Variants in NOPCHAP1 observed in about 807,000 individuals in gnomAD.
The protein encoded by NOPCHAP1 is DNA damage-sensitive RNA 1.
In NOPCHAP1, 13 loss-of-function variants were observed where a neutral mutation model predicts 14.0. That is an observed-to-expected ratio of 0.93 (90% confidence interval 0.60 to 1.47). The LOEUF (loss-of-function observed/expected upper bound fraction) is 1.47, where lower values mean the gene tolerates loss of function less well. Among genes scored for constraint, NOPCHAP1 ranks in the 40% most tolerant of loss-of-function variants. The pLI, the probability that NOPCHAP1 is intolerant of heterozygous loss-of-function variation, is 0.00. For missense variants in NOPCHAP1, 230 were observed against 226.9 expected (o/e 1.01, Z -0.09); for synonymous variants, 78 against 78.4 (o/e 1.00, Z 0.03).
chr12:105,004,450 CA>C lies in NOPCHAP1; in HGVS notation c.*9755del, dbSNP rs999310598. The stretch of plus-strand genomic sequence containing the variant: ...GCGTGGTGGCACGTGCCTGTAGTTC[CA>C]GCTACTTGGGAGGCTGAGACAGAAG... On this transcript the variant is annotated 3_prime_UTR_variant, in exon 4 of 4. Transcript: ENST00000552951. 2 of 152,076 alleles carry C rather than the reference CA, an allele frequency of 1.3e-5. No individual in the cohort carries two copies. The highest frequency in any genetic ancestry group is 2.4e-5 in the African/African-American group (1 of 41,388). The allele number at this position is 152,076 out of a possible 1,614,324, so 9.4% of individuals were successfully genotyped here. A position where few individuals can be genotyped will look rare whatever the true frequency, so the allele number is the denominator to read the frequency against.
chr12:104,988,089 AT>A, intron 1 of NOPCHAP1, 77 bp from the exon 2 acceptor site: 14 of 1,152,038 alleles, frequency 1.2e-5, no homozygotes, highest in Non-Finnish European at 1.8e-5. Context: ...AAGACTGGTC[AT>A]GTGAGAGGCT....
intron 3 of NOPCHAP1, 72 bp from the exon 4 acceptor site, chr12:104,994,406 C>T: frequency 7.5e-7 from 1 of 1,329,524 alleles, no homozygotes; most frequent in Non-Finnish European, 1.1e-6. Context: ...GTTGGTTCTT[C>T]CCAATATTGT....
In NOPCHAP1 at chr12:105,015,917, G is replaced by A. The variant is rs1295953349; in HGVS notation, c.*21221G>A. On this transcript the variant is annotated 3_prime_UTR_variant, in exon 4 of 4. Coordinates refer to ENST00000552951, the MANE Select transcript of NOPCHAP1 (RefSeq NM_152318.3). ...TTATATATGGATTAAGGATTTAAAT[G>A]TAAAAAAAGAAATTATAAGAGTTCC... 2 of 149,800 alleles carry A rather than the reference G, an allele frequency of 1.3e-5. No individual in the cohort carries two copies. The highest frequency in any genetic ancestry group is 2.4e-5 in the African/African-American group (1 of 40,822). 9.3% of individuals were successfully genotyped at this position (149,800 alleles called of 1,614,324 possible).
At position 105,009,867 on chromosome 12, in the gene NOPCHAP1, G is replaced by C. The variant is rs1873781492; in HGVS notation, c.*15171G>C. The C allele has an allele frequency of 1.3e-5, 2 of 151,984 alleles. No individual in the cohort carries two copies. The highest frequency in any genetic ancestry group is 4.8e-5 in the African/African-American group (2 of 41,400). 9.4% of individuals were successfully genotyped at this position (151,984 alleles called of 1,614,324 possible). On this transcript the variant is annotated 3_prime_UTR_variant, in exon 4 of 4. Coordinates refer to ENST00000552951, the MANE Select transcript of NOPCHAP1 (RefSeq NM_152318.3). ...GATGTGCTGCTGGATTCAGTTTGCT[G>C]GTATTTTATTGAGGATTTTTGCATT...
chr12:105,007,431 C>G lies in NOPCHAP1; in HGVS notation c.*12735C>G, dbSNP rs1349058119. ...TTTCTTGTAATGTCATGACTTTTCT[C>G]TGCTTCTTGGAAGAAATTCCAACAT... On this transcript the variant is annotated 3_prime_UTR_variant, in exon 4 of 4. Transcript: ENST00000552951. 1.3e-5 allele frequency: 2 copies of G among 152,166 alleles called. No individual in the cohort carries two copies. Among genetic ancestry groups the G allele is most frequent in the African/African-American group, 4.8e-5 (2 of 41,436 alleles). The allele number at this position is 152,166 out of a possible 1,614,324, so 9.4% of individuals were successfully genotyped here.
chr12:105,017,427 A>C lies in NOPCHAP1; in HGVS notation c.*22731A>C, dbSNP rs138825620. 5.8e-3 allele frequency: 776 copies of C among 134,458 alleles called. 23 individuals carry two copies. In the East Asian group the frequency reaches 0.1, roughly 18 times the overall value. The allele number at this position is 134,458 out of a possible 1,614,324, so 8.3% of individuals were successfully genotyped here. A position where few individuals can be genotyped will look rare whatever the true frequency, so the allele number is the denominator to read the frequency against. On this transcript the variant is annotated 3_prime_UTR_variant, in exon 4 of 4. Coordinates refer to ENST00000552951, the MANE Select transcript of NOPCHAP1 (RefSeq NM_152318.3). Reference sequence around the variant, plus strand: ...GGCAGGAGAATCGCTTGAACCCAGGAGGTGGAGGTTGGAGTGAGCGAAGAT... The same window carrying C: ...GGCAGGAGAATCGCTTGAACCCAGGCGGTGGAGGTTGGAGTGAGCGAAGAT...
intron 2 of NOPCHAP1, among the ~76,000 whole-genome samples, chr12:104,990,863 T>C (rs547178418): frequency 5.6e-4 from 85 of 152,296 alleles, no homozygotes; most frequent in African/African-American, 1.8e-3. Flanking sequence ...GTTGGCTCTT[T>C]TTATTGGGGG....
rs1484435172 is a variant in NOPCHAP1 at position 105,017,488 on chromosome 12, C to T, written c.*22792C>T. Reference sequence around the variant, plus strand: ...CACTCCAGCCTGGGTGACAGAGAGACAGACTGTCTCAAAAAAAAAAAAAAA... The same window carrying T: ...CACTCCAGCCTGGGTGACAGAGAGATAGACTGTCTCAAAAAAAAAAAAAAA... On this transcript the variant is annotated 3_prime_UTR_variant, in exon 4 of 4. Coordinates refer to ENST00000552951, the MANE Select transcript of NOPCHAP1 (RefSeq NM_152318.3). 1 of 87,038 alleles carries T rather than the reference C, an allele frequency of 1.1e-5. No homozygotes were observed. The highest frequency in any genetic ancestry group is 5.0e-5 in the African/African-American group (1 of 20,096). 5.4% of individuals were successfully genotyped at this position (87,038 alleles called of 1,614,324 possible).
Position 104,994,558 on chromosome 12 carries a change from G to T in NOPCHAP1, c.420G>T (p.Glu140Asp). The T allele has an allele frequency of 6.2e-7, 1 of 1,612,686 alleles. No homozygotes were observed. Among genetic ancestry groups the T allele is most frequent in the Non-Finnish European group, 8.5e-7 (1 of 1,179,202 alleles). The change falls in exon 4 of 4, where the codon GAG (glutamate) becomes GAT (aspartate). Residue 140 changes from glutamate to aspartate, a missense_variant. Physicochemically the swap from Glu to Asp is conservative, Grantham distance 45. Coordinates refer to ENST00000552951, the MANE Select transcript of NOPCHAP1 (RefSeq NM_152318.3). ...AAGAGAGTTCACAAGACAGTTCAGA[G>T]AACAGTTCAGAATCAGAAGACGAAG... is the stretch of plus-strand genomic sequence containing the variant. ...SSEESSQDSS[E>D]NSSESEDEDD...
In NOPCHAP1 at chr12:105,008,395, A is replaced by T. The variant is rs1873748885; in HGVS notation, c.*13699A>T. On this transcript the variant is annotated 3_prime_UTR_variant, in exon 4 of 4. Transcript: ENST00000552951. ...ATTATGGATATTAGCTCTTTGTCAG[A>T]TGGATACATTGCAAAAACTTTCTCC... is the stretch of plus-strand genomic sequence containing the variant. The T allele has an allele frequency of 6.6e-6, 1 of 152,188 alleles. No homozygotes were observed. The highest frequency in any genetic ancestry group is 2.4e-5 in the African/African-American group (1 of 41,452). 9.4% of individuals were successfully genotyped at this position (152,188 alleles called of 1,614,324 possible).
chr12:104,999,569 G>A lies in NOPCHAP1; in HGVS notation c.*4873G>A, dbSNP rs1873568261. ...GTCTGATAGTTCCTCTAGGGTTGAA[G>A]TCTCTTAGGGGAGCAAGGTGAGTCA... On this transcript the variant is annotated 3_prime_UTR_variant, in exon 4 of 4. Transcript: ENST00000552951. 1 of 152,400 alleles carries A rather than the reference G, an allele frequency of 6.6e-6. No individual in the cohort carries two copies. Among genetic ancestry groups the A allele is most frequent in the South Asian group, 2.1e-4 (1 of 4,832 alleles). 9.4% of individuals were successfully genotyped at this position (152,400 alleles called of 1,614,324 possible).
chr12:105,011,564 G>T lies in NOPCHAP1; in HGVS notation c.*16868G>T, dbSNP rs527627981. On this transcript the variant is annotated 3_prime_UTR_variant, in exon 4 of 4. Transcript: ENST00000552951. ...ATGATGGTTATTTTTCCCATTAATT[G>T]ATGCAGTTTCTTCATAGTGTTGATG... 11 of 152,284 alleles carry T rather than the reference G, an allele frequency of 7.2e-5. No homozygotes were observed. Among genetic ancestry groups the T allele is most frequent in the South Asian group, 2.1e-4 (1 of 4,826 alleles). 9.4% of individuals were successfully genotyped at this position (152,284 alleles called of 1,614,324 possible). A position where few individuals can be genotyped will look rare whatever the true frequency, so the allele number is the denominator to read the frequency against.
At position 105,015,230 on chromosome 12, in the gene NOPCHAP1, A is replaced by T. The variant is rs1364816749; in HGVS notation, c.*20534A>T. 5 of 152,214 alleles carry T rather than the reference A, an allele frequency of 3.3e-5. No homozygotes were observed. Among genetic ancestry groups the T allele is most frequent in the African/African-American group, 1.2e-4 (5 of 41,442 alleles). 9.4% of individuals were successfully genotyped at this position (152,214 alleles called of 1,614,324 possible). ...GAACTGTACACAGCCGTGATGAGTT[A>T]TTGGCATAGGTACTTATTTAAAGAT... On this transcript the variant is annotated 3_prime_UTR_variant, in exon 4 of 4. Transcript: ENST00000552951.
rs1873519882 is a variant in NOPCHAP1 at position 104,997,353 on chromosome 12, T to G, written c.*2657T>G. ...TTTCTCCTTTGCTTATGAAGCTTAG[T>G]TTAGTCAGATATGAATTCTTGGTTG... On this transcript the variant is annotated 3_prime_UTR_variant, in exon 4 of 4. Transcript: ENST00000552951. 1 of 152,258 alleles carries G rather than the reference T, an allele frequency of 6.6e-6. No homozygotes were observed. The allele number at this position is 152,258 out of a possible 1,614,324, so 9.4% of individuals were successfully genotyped here.
intron 3 of NOPCHAP1, among the ~76,000 whole-genome samples, chr12:104,993,171 G>A (rs1873420945): frequency 6.6e-6 from 1 of 151,972 alleles, no homozygotes; most frequent in Non-Finnish European, 1.5e-5. Flanking sequence ...TGCTTTATAT[G>A]TATTTGTTTA....
In NOPCHAP1 at chr12:105,013,925, T is replaced by A. The variant is rs1004990122; in HGVS notation, c.*19229T>A. On this transcript the variant is annotated 3_prime_UTR_variant, in exon 4 of 4. Transcript: ENST00000552951. ...ATGCAGAAATCGCTTGCCTTCTGCG[T>A]TGATCTCGCTGGGAGCTGCAGACCG... 6.6e-6 allele frequency: 1 copy of A among 152,594 alleles called. No homozygotes were observed. The highest frequency in any genetic ancestry group is 2.4e-5 in the African/African-American group (1 of 41,464). The allele number at this position is 152,594 out of a possible 1,614,324, so 9.5% of individuals were successfully genotyped here.
Position 104,994,855 on chromosome 12 carries a change from G to T in NOPCHAP1, c.*159G>T. 1 of 662,980 alleles carries T rather than the reference G, an allele frequency of 1.5e-6. No individual in the cohort carries two copies. The highest frequency in any genetic ancestry group is 2.8e-5 in the East Asian group (1 of 36,282). The allele number at this position is 662,980 out of a possible 1,614,324, so 41.1% of individuals were successfully genotyped here. ...ATTTGACAGAGTTTCTTTGGGCAAAGAATGATTAATGAGTTAGGTAGCATT... is the reference window on the plus strand; with the variant it reads ...ATTTGACAGAGTTTCTTTGGGCAAATAATGATTAATGAGTTAGGTAGCATT... On this transcript the variant is annotated 3_prime_UTR_variant, in exon 4 of 4. Coordinates refer to ENST00000552951, the MANE Select transcript of NOPCHAP1 (RefSeq NM_152318.3).
chr12:105,001,321 G>C lies in NOPCHAP1; in HGVS notation c.*6625G>C, dbSNP rs1233281090. 1 of 152,116 alleles carries C rather than the reference G, an allele frequency of 6.6e-6. No homozygotes were observed. The allele number at this position is 152,116 out of a possible 1,614,324, so 9.4% of individuals were successfully genotyped here. A position where few individuals can be genotyped will look rare whatever the true frequency, so the allele number is the denominator to read the frequency against. On this transcript the variant is annotated 3_prime_UTR_variant, in exon 4 of 4. Transcript: ENST00000552951. Reference sequence around the variant, plus strand: ...AAGAACATATTGTTATCCCATTAAGGGTGGCAATTGATGAAATCCATCTGT... The same window carrying C: ...AAGAACATATTGTTATCCCATTAAGCGTGGCAATTGATGAAATCCATCTGT...
chr12:104,988,143 GTGTT>G lies in NOPCHAP1; in HGVS notation c.116-20_116-17del, dbSNP rs1873283701. On this transcript the variant is annotated intron_variant, in intron 1 of 3. Coordinates refer to ENST00000552951, the MANE Select transcript of NOPCHAP1 (RefSeq NM_152318.3). ...TTTTTTATGCTGTAGTAAATTAAGGGTGTTTGTGTGTCTGTATTTTCAGGTATAT... is the reference window on the plus strand; with the variant it reads ...TTTTTTATGCTGTAGTAAATTAAGGGTGTGTGTCTGTATTTTCAGGTATAT... 1 of 1,547,698 alleles carries G rather than the reference GTGTT, an allele frequency of 6.5e-7. No individual in the cohort carries two copies. Among genetic ancestry groups the G allele is most frequent in the Non-Finnish European group, 8.9e-7 (1 of 1,121,820 alleles).
Sources: allele counts gnomAD v4.1 joint callset (sites outside exome capture counted in the v4.1 genomes callset), GRCh38; gene constraint gnomAD v4.1.1; transcripts MANE v1.5; gene names NCBI Gene and HGNC (gene_info 2026-07-23, HGNC 2026-07-21).